Variants in ARHGEF26 observed in about 807,000 individuals in gnomAD.
ARHGEF26 encodes Rho guanine nucleotide exchange factor 26.
ARHGEF26 carries 59 observed loss-of-function variants against 89.4 expected under a neutral mutation model. That is an observed-to-expected ratio of 0.66 (90% CI 0.54 to 0.82). The LOEUF is 0.82. Among genes scored for constraint, ARHGEF26 ranks in the 40% least tolerant of loss-of-function variants. ARHGEF26 has a pLI of 0.00. For synonymous variants in ARHGEF26, 500 were observed against 428.4 expected (o/e 1.17, Z -2.06); for missense variants, 1,234 against 1,085.6 (o/e 1.14, Z -1.92).
In ARHGEF26 at chr3:154,256,484, C is replaced by T. The variant is rs1194072651; in HGVS notation, c.*1011C>T. On this transcript the variant is annotated 3_prime_UTR_variant, in exon 15 of 15. Coordinates refer to ENST00000465093, the MANE Select transcript of ARHGEF26 (RefSeq NM_015595.4). ...AGTGATCCACCAGAGAGGAGATCCT[C>T]GGCCTCCCCAAGTGCTGGGATTATA... is the stretch of plus-strand genomic sequence containing the variant. 3.8e-5 allele frequency: 35 copies of T among 918,948 alleles called. No homozygotes were observed. The highest frequency in any genetic ancestry group is 1.0e-4 in the South Asian group (2 of 19,770). The allele number at this position is 918,948 out of a possible 1,614,324, so 56.9% of individuals were successfully genotyped here.
chr3:154,191,431 G>A lies in ARHGEF26; in HGVS notation c.1770+13G>A, dbSNP rs376641979. On this transcript the variant is annotated intron_variant, in intron 8 of 14. Transcript: ENST00000465093. ...CCTGCTGATGGATGTAAGACATGAC[G>A]GTGGCTTTTTCCTCTGTGGATAGCT... 1.7e-5 allele frequency: 28 copies of A among 1,609,908 alleles called. No homozygotes were observed. Among genetic ancestry groups the A allele is most frequent in the Middle Eastern group, 3.3e-4 (2 of 6,052 alleles).
At position 154,232,842 on chromosome 3, in the gene ARHGEF26, CT is replaced by C. The variant is rs373406180; in HGVS notation, c.2090+6845del. ...AGTGAGTGAGTGGGTTTCTTTCTTT[CT>C]TTTTTTTTTTTTGAGACGGAGTCAC... On this transcript the variant is annotated intron_variant, in intron 11 of 14. Transcript: ENST00000465093. 2.4e-3 allele frequency among the ~76,000 whole-genome samples: 344 copies of C among 143,512 alleles called. 1 individual carries two copies. The highest frequency in any genetic ancestry group is 3.6e-3 in the Middle Eastern group (1 of 276). 94.1% of individuals were successfully genotyped at this position (143,512 alleles called of 152,430 possible). A position where few individuals can be genotyped will look rare whatever the true frequency, so the allele number is the denominator to read the frequency against.
intron 6 of ARHGEF26, among the ~76,000 whole-genome samples, chr3:154,157,100 C>T (rs558901738): frequency 6.6e-6 from 1 of 152,202 alleles, no homozygotes; most frequent in East Asian, 1.9e-4. Flanking sequence ...GGACAACGAT[C>T]ATTCTGACTG....
chr3:154,202,939 T>G (rs1714745870), intron 9 of ARHGEF26, among the ~76,000 whole-genome samples: 1 of 152,338 alleles, frequency 6.6e-6, no homozygotes, highest in East Asian at 1.9e-4. Context: ...TCATGTCATC[T>G]GCAAACAGGG....
rs1255892154 is a variant in ARHGEF26, at chr3:154,122,636, TC to T, written c.649del (p.Leu217SerfsTer19). ...GPQKSSSEQK[L>X]PLQRLPSQEN... ...CAGAAAAGTTCTTCGGAACAAAAAC[TC>T]CCCCTCCAAAGGCTGCCCTCCCAGG... On this transcript the variant is annotated frameshift_variant, in exon 2 of 15. Transcript: ENST00000465093. LOFTEE classifies it high-confidence loss of function. The T allele has an allele frequency of 1.9e-6, 3 of 1,613,488 alleles. No individual in the cohort carries two copies. The African/African-American group carries it at 4.0e-5, about 22-fold the overall frequency.
intron 6 of ARHGEF26, among the ~76,000 whole-genome samples, chr3:154,154,347 C>G (rs1720199271): frequency 6.6e-6 from 1 of 151,922 alleles, no homozygotes; most frequent in Non-Finnish European, 1.5e-5. Flanking sequence ...CCAGCGTGCT[C>G]ATTGCTAAGT....
Position 154,122,215 on chromosome 3 carries a change from A to C in ARHGEF26, c.223A>C (p.Arg75=), listed in dbSNP as rs1397502772. 1 of 1,607,380 alleles carries C rather than the reference A, an allele frequency of 6.2e-7. No individual in the cohort carries two copies. The stretch of plus-strand genomic sequence containing the variant: ...CCAGGTGCCCACCGCCTCGGACAGC[A>C]GGACGGTACATAGGAGCCCCCTGCT... ...PAQVPTASDS[R]TVHRSPLLLG... is the part of the protein sequence containing the mutation. The change falls in exon 2 of 15, where the codon AGG becomes CGG. Residue 75 remains arginine (R), a synonymous_variant. Transcript: ENST00000465093.
intron 6 of ARHGEF26, among the ~76,000 whole-genome samples, chr3:154,169,106 C>T (rs1025656164): frequency 1.3e-5 from 2 of 152,004 alleles, no homozygotes; most frequent in African/African-American, 4.8e-5. Context: ...AGGGGAGGCT[C>T]AGATGGAGGT....
At chr3:154,129,455 G>C (rs1169803641) in intron 3 of ARHGEF26, 119 bp from the exon 4 acceptor site, 1 of 1,116,484 alleles carries the variant, frequency 9.0e-7, no homozygotes, top group Non-Finnish European at 1.3e-6. Context: ...GACTAAATCT[G>C]TTTGTCTCTC....
In ARHGEF26 at chr3:154,253,199, G is replaced by A. The variant is rs1308818740; in HGVS notation, c.2368+16G>A. On this transcript the variant is annotated intron_variant, in intron 13 of 14. Coordinates refer to ENST00000465093, the MANE Select transcript of ARHGEF26 (RefSeq NM_015595.4). ...GACCGAACCTGTAAGTTCTCTCAAG[G>A]GGAAGCCCACTTGGGAACATGGATG... The A allele has an allele frequency of 1.2e-6, 2 of 1,613,910 alleles. No homozygotes were observed. The highest frequency in any genetic ancestry group is 4.5e-5 in the East Asian group (2 of 44,880).
chr3:154,257,461 A>ATTAT lies in ARHGEF26; in HGVS notation c.*1991_*1994dup, dbSNP rs1449801324. 6 of 152,240 alleles carry ATTAT rather than the reference A, an allele frequency of 3.9e-5. No individual in the cohort carries two copies. Among genetic ancestry groups the ATTAT allele is most frequent in the African/African-American group, 1.4e-4 (6 of 41,462 alleles). 9.4% of individuals were successfully genotyped at this position (152,240 alleles called of 1,614,324 possible). A position where few individuals can be genotyped will look rare whatever the true frequency, so the allele number is the denominator to read the frequency against. On this transcript the variant is annotated 3_prime_UTR_variant, in exon 15 of 15. Coordinates refer to ENST00000465093, the MANE Select transcript of ARHGEF26 (RefSeq NM_015595.4). ...TGTGCTTGCACGGGGATCATTTTGT[A>ATTAT]TTATTTTTGCTAATACCCAGTTGAA...
rs1225902228 is a variant in ARHGEF26 at position 154,257,183 on chromosome 3, T to A, written c.*1710T>A. The A allele has an allele frequency of 2.1e-6, 1 of 479,844 alleles. No homozygotes were observed. The highest frequency in any genetic ancestry group is 2.0e-5 in the African/African-American group (1 of 50,490). The allele number at this position is 479,844 out of a possible 1,614,324, so 29.7% of individuals were successfully genotyped here. On this transcript the variant is annotated 3_prime_UTR_variant, in exon 15 of 15. Coordinates refer to ENST00000465093, the MANE Select transcript of ARHGEF26 (RefSeq NM_015595.4). ...TGAGCCAGTGTGGGGCACTGGGGAC[T>A]TCTAACCCTTGGATTGCTCTTTTTG...
chr3:154,123,006 A>C lies in ARHGEF26; in HGVS notation c.1014A>C (p.Arg338Ser), dbSNP rs757286136. The stretch of plus-strand genomic sequence containing the variant: ...CTACCAGCTCGAAGAAGAAGAACAG[A>C]ATGTCCCAGCCTGTTCTGAAAGTGG... ...DSPTSSKKKN[R>S]MSQPVLKVVM... Residue 338 changes from arginine to serine, a missense_variant, in exon 2 of 15, where the codon AGA becomes AGC. Physicochemically the swap from Arg to Ser is moderately radical, Grantham distance 110 (BLOSUM62 -1). Transcript: ENST00000465093. The C allele has an allele frequency of 2.1e-5, 34 of 1,613,768 alleles. No homozygotes were observed. The highest frequency in any genetic ancestry group is 2.7e-5 in the Non-Finnish European group (32 of 1,179,876).
chr3:154,216,035 G>A (rs2108242173), intron 9 of ARHGEF26, among the ~76,000 whole-genome samples: 1 of 152,250 alleles, frequency 6.6e-6, no homozygotes, highest in African/African-American at 2.4e-5. Flanking sequence ...AAGAGAAAGT[G>A]TATGACCCAG....
At position 154,211,987 on chromosome 3, in the gene ARHGEF26, A is replaced by G. The variant is rs574438150; in HGVS notation, c.1846-5882A>G. Among the ~76,000 whole-genome samples, 7 of 152,228 alleles carry G rather than the reference A, an allele frequency of 4.6e-5. 1 individual carries two copies. In the South Asian group the frequency reaches 1.5e-3, roughly 32 times the overall value. The stretch of plus-strand genomic sequence containing the variant: ...AGGAGAGTTTGGAAGGGAGGAAGTA[A>G]TAAGGCTAAGTACAGCTCTGTAAGA... On this transcript the variant is annotated intron_variant, in intron 9 of 14. Transcript: ENST00000465093.
chr3:154,221,966 TTG>T (rs1716158103), intron 10 of ARHGEF26, among the ~76,000 whole-genome samples: 1 of 152,216 alleles, frequency 6.6e-6, no homozygotes, highest in Non-Finnish European at 1.5e-5. Context: ...TATGAGAATA[TTG>T]GTTGCAAATT....
intron 12 of ARHGEF26, among the ~76,000 whole-genome samples, chr3:154,244,709 C>T (rs1717691099): frequency 6.6e-6 from 1 of 151,030 alleles, no homozygotes; most frequent in South Asian, 2.1e-4. Context: ...AATATATACA[C>T]ATATTTATAA....
intron 12 of ARHGEF26, among the ~76,000 whole-genome samples, chr3:154,251,385 T>G (rs967325492): frequency 6.6e-6 from 1 of 152,238 alleles, no homozygotes. Context: ...TTCTGGAGTT[T>G]ATAGCCTGGT....
At chr3:154,246,883 G>A (rs576055061) in intron 12 of ARHGEF26, among the ~76,000 whole-genome samples, 9 of 152,276 alleles carry the variant, frequency 5.9e-5, no homozygotes, top group South Asian at 2.1e-4. Context: ...AGCTGCTGGC[G>A]TGAGCTGCTA....
Sources: gnomAD v4.1 joint callset for allele counts (sites outside exome capture counted in the v4.1 genomes callset) on GRCh38, gnomAD v4.1.1 for gene constraint, MANE v1.5 for transcripts, NCBI Gene and HGNC (gene_info 2026-07-23, HGNC 2026-07-21) for gene names.